The following KYNU variants were observed in gnomAD, a reference collection of about 807,000 sequenced individuals.
KYNU encodes kynureninase.
A neutral mutation model predicts 59.2 loss-of-function variants in KYNU; 54 were observed. That is an observed-to-expected ratio of 0.91 (90% confidence interval 0.73 to 1.14). KYNU has a LOEUF of 1.14. KYNU is among the 50% of genes most tolerant of loss of function. The pLI is 0.00. For missense variants in KYNU, 567 were observed against 554.4 expected, an observed-to-expected ratio of 1.02 and a Z score of -0.23; for synonymous variants, 177 against 192.0, an observed-to-expected ratio of 0.92 and a Z score of 0.65.
chr2:142,970,203 T>C (rs1684677238), intron 8 of KYNU, among the ~76,000 whole-genome samples: 1 of 152,090 alleles, frequency 6.6e-6, no homozygotes, highest in Non-Finnish European at 1.5e-5. Flanking sequence ...ACATGAAAGG[T>C]TAGTCGATTT....
At chr2:142,957,144 C>G (rs1055331653) in intron 6 of KYNU, among the ~76,000 whole-genome samples, 3 of 152,090 alleles carry the variant, frequency 2.0e-5, no homozygotes, top group Non-Finnish European at 2.9e-5. Context: ...ACCCTAATAT[C>G]TTACTAAAAT....
intron 10 of KYNU, among the ~76,000 whole-genome samples, chr2:143,003,292 G>C (rs71411389): frequency 6.8e-4 from 103 of 152,156 alleles, no homozygotes; most frequent in Non-Finnish European, 1.1e-3. Flanking sequence ...AGCTGGGGGG[G>C]GTGGCTCACA....
At chr2:143,000,531 A>C (rs1558968352) in intron 10 of KYNU, among the ~76,000 whole-genome samples, 5 of 152,220 alleles carry the variant, frequency 3.3e-5, no homozygotes, top group Non-Finnish European at 7.3e-5. Context: ...ACACATACAG[A>C]TCAGGCAGTC....
intron 4 of KYNU, among the ~76,000 whole-genome samples, chr2:142,931,515 A>G (rs186273438): frequency 6.6e-6 from 1 of 152,330 alleles, no homozygotes; most frequent in Admixed American, 6.5e-5. Context: ...TGCTTCACGA[A>G]TGAAAGACTG....
chr2:143,017,522 A>G (rs1262033793), intron 10 of KYNU, among the ~76,000 whole-genome samples: 1 of 139,122 alleles, frequency 7.2e-6, no homozygotes, highest in South Asian at 2.2e-4. Flanking sequence ...GCTCACTGCA[A>G]TCTCCGCCTC....
intron 2 of KYNU, among the ~76,000 whole-genome samples, chr2:142,911,904 AT>A (rs1313716174): frequency 6.6e-6 from 1 of 152,140 alleles, no homozygotes; most frequent in African/African-American, 2.4e-5. Flanking sequence ...ACCTACTTGA[AT>A]GTGGTGAAAT....
chr2:142,917,486 G>A (rs1378640978), intron 2 of KYNU, among the ~76,000 whole-genome samples: 4 of 151,778 alleles, frequency 2.6e-5, no homozygotes, highest in African/African-American at 9.7e-5. Context: ...AAATTAAATA[G>A]AGATGGAGTC....
Position 142,885,441 on chromosome 2 carries a change from C to A in KYNU, c.74C>A (p.Thr25Lys), listed in dbSNP as rs199895914. 9.9e-6 allele frequency: 16 copies of A among 1,613,420 alleles called. No individual in the cohort carries two copies. Among genetic ancestry groups the A allele is most frequent in the Non-Finnish European group, 1.2e-5 (14 of 1,179,522 alleles). The change falls in exon 2 of 14, where the codon ACG becomes AAG. Residue 25 changes from threonine to lysine, a missense_variant. Thr to Lys is a moderately conservative substitution (Grantham distance 78). Coordinates refer to ENST00000264170, the MANE Select transcript of KYNU (RefSeq NM_003937.3). ...RIAAELKCHP[T>K]DERVALHLDE... ...GCGGCTGAACTCAAATGCCACCCAA[C>A]GGATGAGAGGGTGGCTCTCCACCTA...
At position 142,960,682 on chromosome 2, in the gene KYNU, C is replaced by T. The variant is rs1684313191; in HGVS notation, c.641C>T (p.Ser214Leu). 6.2e-7 allele frequency: 1 copy of T among 1,613,628 alleles called. No individual in the cohort carries two copies. Among genetic ancestry groups the T allele is most frequent in the East Asian group, 2.2e-5 (1 of 44,858 alleles). Residue 214 changes from serine to leucine, a missense_variant, in exon 8 of 14, where the codon TCA becomes TTA. Physicochemically the swap from Ser to Leu is moderately radical, Grantham distance 145 (BLOSUM62 -2). Coordinates refer to ENST00000264170, the MANE Select transcript of KYNU (RefSeq NM_003937.3). ...ILEVIEKEGD[S>L]IAVILFSGVH... ...GAAGTAATTGAGAAGGAAGGAGACT[C>T]AATTGCAGTGATCCTGTTCAGTGGG... is the stretch of plus-strand genomic sequence containing the variant.
At chr2:143,035,251 A>G (rs750105872) in intron 12 of KYNU, among the ~76,000 whole-genome samples, 2 of 152,188 alleles carry the variant, frequency 1.3e-5, no homozygotes. Context: ...TCAATATCTA[A>G]ACTTAAAACC....
At chr2:142,982,078 G>T (rs1685067413) in intron 8 of KYNU, among the ~76,000 whole-genome samples, 1 of 152,102 alleles carries the variant, frequency 6.6e-6, no homozygotes, top group South Asian at 2.1e-4. Context: ...TTCTTAGGAA[G>T]TGTTAGAACA....
Position 142,993,130 on chromosome 2 carries a change from C to A in KYNU, c.902+7109C>A, listed in dbSNP as rs1043014348. On this transcript the variant is annotated intron_variant, in intron 10 of 13. Transcript: ENST00000264170. The stretch of plus-strand genomic sequence containing the variant: ...CTAAGTGAATAAATTTACTTTGTTA[C>A]ATTGAAAACTAAAATTGTTGCCTGT... Among the ~76,000 whole-genome samples the A allele has an allele frequency of 2.4e-4, 37 of 151,938 alleles. 1 individual carries two copies.
At position 143,028,519 on chromosome 2, in the gene KYNU, G is replaced by A. The variant is rs1465074427; in HGVS notation, c.903-1108G>A. ...GGCCTCCCAAAGTGCTGGGATTACA[G>A]GTGTGAGCCACAGTGCCTGGCCAAC... On this transcript the variant is annotated intron_variant, in intron 10 of 13. Transcript: ENST00000264170. Among the ~76,000 whole-genome samples, 135 of 148,980 alleles carry A rather than the reference G, an allele frequency of 9.1e-4. 2 individuals are homozygous for A. Among genetic ancestry groups the A allele is most frequent in the Non-Finnish European group, 3.3e-4 (22 of 67,072 alleles).
rs1388621754 is a variant in KYNU at position 143,048,026 on chromosome 2, A to T, written c.*5854A>T. Reference sequence around the variant, plus strand: ...TGCCCAGCTAATTTTTGTATTTTTCATAGAGACAGGATTTCACCATGTTGG... The same window carrying T: ...TGCCCAGCTAATTTTTGTATTTTTCTTAGAGACAGGATTTCACCATGTTGG... On this transcript the variant is annotated 3_prime_UTR_variant, in exon 14 of 14. Coordinates refer to ENST00000264170, the MANE Select transcript of KYNU (RefSeq NM_003937.3). 1 of 151,706 alleles carries T rather than the reference A, an allele frequency of 6.6e-6. No individual in the cohort carries two copies. Among genetic ancestry groups the T allele is most frequent in the Admixed American group, 6.6e-5 (1 of 15,206 alleles). The allele number at this position is 151,706 out of a possible 1,614,324, so 9.4% of individuals were successfully genotyped here.
intron 12 of KYNU, among the ~76,000 whole-genome samples, chr2:143,036,749 AGTTGGGATGACAGAC>A (rs1686904334): frequency 6.6e-6 from 1 of 152,234 alleles, no homozygotes; most frequent in Non-Finnish European, 1.5e-5. Context: ...ACTCCTAAGC[AGTTGGGATGACAGAC>A]GTGAACCACT....
intron 8 of KYNU, among the ~76,000 whole-genome samples, chr2:142,975,487 C>T (rs1684857404): frequency 1.3e-5 from 2 of 152,200 alleles, no homozygotes; most frequent in African/African-American, 2.4e-5. Flanking sequence ...TCACCTGACT[C>T]CACACTGAGC....
At chr2:142,985,701 C>T (rs1284921720) in intron 9 of KYNU, among the ~76,000 whole-genome samples, 1 of 151,816 alleles carries the variant, frequency 6.6e-6, no homozygotes, top group Non-Finnish European at 1.5e-5. Context: ...CTGCTTTCTA[C>T]CAGCTGGAGC....
At chr2:143,031,906 A>T (rs1686754391) in intron 11 of KYNU, among the ~76,000 whole-genome samples, 1 of 152,188 alleles carries the variant, frequency 6.6e-6, no homozygotes, top group Non-Finnish European at 1.5e-5. Context: ...CAATCATGTC[A>T]GAAGGCAAAG....
chr2:142,898,364 C>T (rs980782995), intron 2 of KYNU, among the ~76,000 whole-genome samples: 13 of 151,770 alleles, frequency 8.6e-5, no homozygotes, highest in Non-Finnish European at 1.8e-4. Flanking sequence ...GCATCAAATG[C>T]TCTCTTAGAT....
Sources: gnomAD v4.1 joint callset for allele counts (sites outside exome capture counted in the v4.1 genomes callset) on GRCh38, gnomAD v4.1.1 for gene constraint, MANE v1.5 for transcripts, NCBI Gene and HGNC (gene_info 2026-07-23, HGNC 2026-07-21) for gene names.